The following PATJ variants were observed in gnomAD, a reference collection of about 807,000 sequenced individuals.
PATJ encodes the protein PATJ crumbs cell polarity complex component.
Under a neutral mutation model 224.9 loss-of-function variants are expected in PATJ, and 190 were observed. The ratio of observed to expected loss-of-function variants is 0.84; its 90% CI spans 0.75 to 0.95. The LOEUF (loss-of-function observed/expected upper bound fraction) is 0.95. Ranked by LOEUF, PATJ falls within the 40% of genes least tolerant of loss-of-function variation. The pLI is 0.00. For missense variants in PATJ, 2,121 were observed against 2,270.3 expected (o/e 0.93, Z 1.34); for synonymous variants, 769 against 820.3 (o/e 0.94, Z 1.07).
chr1:61,923,226 T>A (rs186093299), intron 26 of PATJ, among the ~76,000 whole-genome samples: 1 of 152,348 alleles, frequency 6.6e-6, no homozygotes, highest in East Asian at 1.9e-4. Flanking sequence ...GGTCTTTTAG[T>A]GGTTGCAGAA....
intron 31 of PATJ, among the ~76,000 whole-genome samples, chr1:62,052,462 C>T (rs956218281): frequency 6.7e-6 from 1 of 149,736 alleles, no homozygotes; most frequent in South Asian, 2.1e-4. Flanking sequence ...AAAAAAATGA[C>T]CGGGCACAGT....
chr1:61,948,155 A>G (rs1679050243), intron 27 of PATJ, among the ~76,000 whole-genome samples: 1 of 152,258 alleles, frequency 6.6e-6, no homozygotes, highest in African/African-American at 2.4e-5. Context: ...AGGCATGGAC[A>G]AGGACTTCAT....
At chr1:62,015,090 A>G (rs1455209744) in intron 28 of PATJ, among the ~76,000 whole-genome samples, 2 of 152,136 alleles carry the variant, frequency 1.3e-5, no homozygotes, top group African/African-American at 4.8e-5. Context: ...ACCTGAGGTC[A>G]GGGGGTCAAG....
chr1:62,010,078 C>CA (rs34658070), intron 28 of PATJ, among the ~76,000 whole-genome samples: 1,823 of 84,132 alleles, frequency 0.022, 46 homozygotes, highest in South Asian at 0.086. Context: ...GACTCCATCT[C>CA]AAAAAAAAAA....
intron 5 of PATJ, among the ~76,000 whole-genome samples, chr1:61,771,070 G>C (rs755077515): frequency 6.6e-6 from 1 of 152,124 alleles, no homozygotes; most frequent in African/African-American, 2.4e-5. Flanking sequence ...CCCCAGTGTG[G>C]TATGGGTAGA....
At position 61,864,234 on chromosome 1, in the gene PATJ, A is replaced by G. The variant is rs779149920; in HGVS notation, c.2440-4A>G. 3.1e-6 allele frequency: 5 copies of G among 1,592,794 alleles called. No individual in the cohort carries two copies. The highest frequency in any genetic ancestry group is 1.8e-5 in the Admixed American group (1 of 55,974). On this transcript the variant is annotated splice_polypyrimidine_tract_variant and splice_region_variant and intron_variant, in intron 19 of 43. Transcript: ENST00000642238. Reference sequence around the variant, plus strand: ...TCACATTTTTTTGCATCTTTTATTTATAGGGATTTAGAGATGAACCATATT... The same window carrying G: ...TCACATTTTTTTGCATCTTTTATTTGTAGGGATTTAGAGATGAACCATATT...
At chr1:61,760,373 A>T (rs141353829) in intron 1 of PATJ, among the ~76,000 whole-genome samples, 1 of 152,194 alleles carries the variant, frequency 6.6e-6, no homozygotes, top group African/African-American at 2.4e-5. Flanking sequence ...ATCCAGGTTG[A>T]TGTAAGAAAA....
intron 12 of PATJ, among the ~76,000 whole-genome samples, chr1:61,803,502 G>A (rs1652955814): frequency 1.3e-5 from 2 of 152,078 alleles, no homozygotes; most frequent in African/African-American, 4.8e-5. Flanking sequence ...TTTAAATCAA[G>A]TCCTACTTGC....
chr1:61,946,438 C>A (rs533237571), intron 27 of PATJ, among the ~76,000 whole-genome samples: 418 of 152,252 alleles, frequency 2.7e-3, no homozygotes, highest in African/African-American at 9.7e-3. Context: ...ACTATAAACA[C>A]CTCTATGCAA....
chr1:61,847,924 T>C (rs575729828), intron 17 of PATJ, among the ~76,000 whole-genome samples: 1 of 137,100 alleles, frequency 7.3e-6, no homozygotes, highest in South Asian at 2.5e-4. Context: ...AGACATGCTG[T>C]CATATGTATT....
At chr1:62,138,777 A>G (rs1483936020) in intron 41 of PATJ, among the ~76,000 whole-genome samples, 1 of 152,230 alleles carries the variant, frequency 6.6e-6, no homozygotes, top group Non-Finnish European at 1.5e-5. Context: ...TGCAGATCTT[A>G]GGATTGGAGC....
At chr1:62,089,357 A>G (rs1204381713) in intron 33 of PATJ, among the ~76,000 whole-genome samples, 1 of 149,024 alleles carries the variant, frequency 6.7e-6, no homozygotes, top group Non-Finnish European at 1.5e-5. Flanking sequence ...TAAATACTGT[A>G]CTCTCCTTTC....
chr1:62,051,488 A>C (rs916580871), intron 31 of PATJ, among the ~76,000 whole-genome samples: 4 of 152,010 alleles, frequency 2.6e-5, no homozygotes, highest in Admixed American at 2.0e-4. Flanking sequence ...CACCATGCCC[A>C]GCTAATTTTT....
intron 30 of PATJ, among the ~76,000 whole-genome samples, chr1:62,041,234 G>A (rs1345049250): frequency 6.6e-6 from 1 of 152,162 alleles, no homozygotes. Context: ...CCCTGATTCA[G>A]AGGGAGGGGG....
rs372893315 is a variant in PATJ, at chr1:62,114,119, C to A, written c.4528C>A (p.Gln1510Lys). The A allele has an allele frequency of 3.1e-6, 5 of 1,614,156 alleles. No homozygotes were observed. Among genetic ancestry groups the A allele is most frequent in the Non-Finnish European group, 3.4e-6 (4 of 1,180,016 alleles). ...EAITALRQTP[Q>K]KVRLVVYRDE... ...CATCACAGCCCTGAGGCAGACCCCC[C>A]AGAAGGTGCGGCTGGTGGTGTATAG... Residue 1510 changes from glutamine (Q) to lysine (K), a missense_variant, in exon 35 of 44, where the codon CAG (glutamine) becomes AAG (lysine). Coordinates refer to ENST00000642238, the MANE Select transcript of PATJ (RefSeq NM_001350145.3).
intron 25 of PATJ, among the ~76,000 whole-genome samples, chr1:61,911,612 C>T (rs1672649225): frequency 6.6e-6 from 1 of 150,970 alleles, no homozygotes; most frequent in Non-Finnish European, 1.5e-5. Flanking sequence ...AGAGTAAGGC[C>T]CATAGAAAGT....
intron 31 of PATJ, among the ~76,000 whole-genome samples, chr1:62,064,326 GC>G (rs1656036544): frequency 6.7e-6 from 1 of 148,400 alleles, no homozygotes; most frequent in South Asian, 2.2e-4. Context: ...GAGCCATAAT[GC>G]TTTTTTTTTT....
chr1:61,749,195 CAG>C (rs888985720), intron 1 of PATJ, among the ~76,000 whole-genome samples: 3 of 150,478 alleles, frequency 2.0e-5, no homozygotes, highest in Admixed American at 6.7e-5. Context: ...TTATTAGAGA[CAG>C]GGGTTTCACC....
chr1:61,864,203 G>A (rs564740247), intron 19 of PATJ, 35 bp from the exon 20 acceptor site: 25 of 1,546,432 alleles, frequency 1.6e-5, no homozygotes, highest in East Asian at 9.0e-5. Context: ...CAGGACAGGC[G>A]TAACTTCACA....
Sources: gnomAD v4.1 joint callset for allele counts (sites outside exome capture counted in the v4.1 genomes callset) on GRCh38, gnomAD v4.1.1 for gene constraint, MANE v1.5 for transcripts, NCBI Gene and HGNC (gene_info 2026-07-23, HGNC 2026-07-21) for gene names.